Variants in PNOC observed in about 807,000 individuals in gnomAD.
The protein encoded by PNOC is nociceptin.
A neutral mutation model predicts 15.6 loss-of-function variants in PNOC; 10 were observed. That is an observed-to-expected ratio of 0.64 (90% CI 0.40 to 1.09). The LOEUF is 1.09. Ranked by LOEUF, PNOC falls within the 50% of genes least tolerant of loss-of-function variation. The pLI is 0.01. For synonymous variants in PNOC, 98 were observed against 88.5 expected (o/e 1.11, Z -0.60); for missense variants, 220 against 223.9 (o/e 0.98, Z 0.11).
rs977254684 is a variant in PNOC, at chr8:28,334,359, G to A, written c.127-4681G>A. ...CTCCTCAGAGCAAGTTCCAAAACAG[G>A]ATTTCTCCAGGTATCATCCAGTCTC... On this transcript the variant is annotated intron_variant, in intron 2 of 3. Transcript: ENST00000301908. Among the ~76,000 whole-genome samples, 4 of 152,226 alleles carry A rather than the reference G, an allele frequency of 2.6e-5. No individual in the cohort carries two copies. The South Asian group carries it at 8.3e-4, about 32-fold the overall frequency.
At chr8:28,338,436 C>T (rs1191112549) in intron 2 of PNOC, among the ~76,000 whole-genome samples, 1 of 152,038 alleles carries the variant, frequency 6.6e-6, no homozygotes, top group Non-Finnish European at 1.5e-5. Context: ...TTCAGCCCCG[C>T]ACGTCCAGCC....
intron 1 of PNOC, among the ~76,000 whole-genome samples, chr8:28,326,325 C>A (rs1801225210): frequency 6.6e-6 from 1 of 152,116 alleles, no homozygotes; most frequent in South Asian, 2.1e-4. Context: ...GCACACCAGC[C>A]TGGGCAACAG....
intron 2 of PNOC, among the ~76,000 whole-genome samples, chr8:28,330,272 G>A (rs1308774692): frequency 6.6e-6 from 1 of 151,808 alleles, no homozygotes; most frequent in Admixed American, 6.6e-5. Flanking sequence ...TAAGGGACTT[G>A]AGCATCTGCA....
chr8:28,332,212 A>G (rs1563329233), intron 2 of PNOC, among the ~76,000 whole-genome samples: 1 of 152,310 alleles, frequency 6.6e-6, no homozygotes, highest in African/African-American at 2.4e-5. Flanking sequence ...GTTTGTATTC[A>G]CTTTTAACCT....
Position 28,339,421 on chromosome 8 carries a change from C to T in PNOC, c.508C>T (p.Leu170=). 6.5e-7 allele frequency: 1 copy of T among 1,543,980 alleles called. No individual in the cohort carries two copies. The highest frequency in any genetic ancestry group is 8.8e-7 in the Non-Finnish European group (1 of 1,139,942). The change falls in exon 3 of 4, where the codon CTG becomes TTG. Residue 170 remains leucine (L), a synonymous_variant. Coordinates refer to ENST00000301908, the MANE Select transcript of PNOC (RefSeq NM_006228.5). ...SMQSSQRRRT[L]HQNGNV is the part of the protein sequence containing the mutation. The stretch of plus-strand genomic sequence containing the variant: ...GCAGTCCAGCCAGCGCCGGCGCACC[C>T]TGCACCAGAATGGTAATGTGTAGCC...
intron 2 of PNOC, among the ~76,000 whole-genome samples, chr8:28,329,921 G>A (rs190087489): frequency 6.6e-6 from 1 of 152,068 alleles, no homozygotes; most frequent in African/African-American, 2.4e-5. Flanking sequence ...GATGTGCATA[G>A]CCATTTTATT....
chr8:28,319,028 G>C (rs1028836988), intron 1 of PNOC, among the ~76,000 whole-genome samples: 1 of 152,106 alleles, frequency 6.6e-6, no homozygotes, highest in Non-Finnish European at 1.5e-5. Flanking sequence ...AGGCTTGCAG[G>C]GGCTCTAGTA....
rs554639127 is a variant in PNOC, at chr8:28,317,930, C to T, written c.-24+614C>T. 9.9e-4 allele frequency among the ~76,000 whole-genome samples: 151 copies of T among 152,300 alleles called. 2 individuals are homozygous for T. The highest frequency in any genetic ancestry group is 3.5e-3 in the African/African-American group (146 of 41,556). The stretch of plus-strand genomic sequence containing the variant: ...AGTGTGCTTCACCTGTATACACACA[C>T]TGCTGAGCGCCACGGCGTGTGAATT... On this transcript the variant is annotated intron_variant, in intron 1 of 3. Transcript: ENST00000301908.
chr8:28,334,254 C>G (rs1321790844), intron 2 of PNOC, among the ~76,000 whole-genome samples: 1 of 152,150 alleles, frequency 6.6e-6, no homozygotes, highest in Non-Finnish European at 1.5e-5. Context: ...CCAAGTATTT[C>G]AGGAGCAGGC....
At chr8:28,328,125 T>C (rs1470076201) in intron 1 of PNOC, among the ~76,000 whole-genome samples, 3 of 134,066 alleles carry the variant, frequency 2.2e-5, no homozygotes, top group African/African-American at 8.4e-5. Flanking sequence ...TGGTGTGCAA[T>C]GGCACAATCT....
At chr8:28,329,730 G>C (rs759049238) in intron 2 of PNOC, among the ~76,000 whole-genome samples, 2 of 151,748 alleles carry the variant, frequency 1.3e-5, no homozygotes, top group Non-Finnish European at 2.9e-5. Flanking sequence ...GTATCTACTG[G>C]TTTCACATTC....
intron 1 of PNOC, among the ~76,000 whole-genome samples, chr8:28,323,608 T>C (rs1029572126): frequency 6.6e-6 from 1 of 152,254 alleles, no homozygotes; most frequent in Non-Finnish European, 1.5e-5. Context: ...TCAGGACTTG[T>C]CTGCAGTCAC....
At chr8:28,337,581 C>CTTTTTTTT (rs10685321) in intron 2 of PNOC, among the ~76,000 whole-genome samples, 8 of 117,154 alleles carry the variant, frequency 6.8e-5, no homozygotes, top group Non-Finnish European at 1.2e-4. Flanking sequence ...ATTACGTTTC[C>CTTTTTTTT]TTTTTTTTTT....
chr8:28,340,748 G>A (rs1210543447), intron 3 of PNOC, among the ~76,000 whole-genome samples: 2 of 152,206 alleles, frequency 1.3e-5, no homozygotes, highest in East Asian at 3.9e-4. Context: ...ATGGCAGAAG[G>A]CAAGGGGAGC....
chr8:28,321,536 C>A (rs952401591), intron 1 of PNOC, among the ~76,000 whole-genome samples: 1 of 152,126 alleles, frequency 6.6e-6, no homozygotes, highest in Non-Finnish European at 1.5e-5. Context: ...CCTTCATCTC[C>A]TTTTCCTCTT....
intron 2 of PNOC, among the ~76,000 whole-genome samples, chr8:28,329,559 T>G (rs1801288334): frequency 6.6e-6 from 1 of 152,242 alleles, no homozygotes; most frequent in African/African-American, 2.4e-5. Context: ...TTCAGAGAGT[T>G]TGGCAAATTC....
chr8:28,327,271 C>G (rs1223874158), intron 1 of PNOC, among the ~76,000 whole-genome samples: 9 of 152,200 alleles, frequency 5.9e-5, no homozygotes, highest in Admixed American at 5.9e-4. Flanking sequence ...GATTTAGAAG[C>G]CTTGATCAAA....
chr8:28,339,184 G>C lies in PNOC; in HGVS notation c.271G>C (p.Glu91Gln). 1 of 1,613,628 alleles carries C rather than the reference G, an allele frequency of 6.2e-7. No individual in the cohort carries two copies. The highest frequency in any genetic ancestry group is 1.1e-5 in the South Asian group (1 of 91,084). Residue 91 changes from glutamate to glutamine, a missense_variant, in exon 3 of 4, where the codon GAG becomes CAG. Glu to Gln is a conservative substitution (Grantham distance 29). Transcript: ENST00000301908. ...AAALYQPRAS[E>Q]MQHLRRMPRV... ...TGCTCTCTACCAGCCGAGAGCTTCG[G>C]AGATGCAGCATCTGCGGCGAATGCC...
intron 2 of PNOC, chr8:28,338,768 T>G (rs1416617745): frequency 8.5e-7 from 1 of 1,177,538 alleles, no homozygotes; most frequent in Non-Finnish European, 1.1e-6. Context: ...CTTCCTATGT[T>G]AACGTGCTGT....
Sources: gnomAD v4.1 joint callset for allele counts (sites outside exome capture counted in the v4.1 genomes callset) on GRCh38, gnomAD v4.1.1 for gene constraint, MANE v1.5 for transcripts, NCBI Gene and HGNC (gene_info 2026-07-23, HGNC 2026-07-21) for gene names.